ACYP2: variants seen among roughly 807,000 people sequenced by gnomAD.
The protein encoded by ACYP2 is acylphosphatase 2.
In ACYP2, 12 loss-of-function variants were observed where a neutral mutation model predicts 11.2. That is an observed-to-expected ratio of 1.08 (90% CI 0.69 to 1.74). The LOEUF is 1.74. Ranked by LOEUF, ACYP2 falls within the 40% of genes most tolerant of loss-of-function variation. The pLI is 0.00. For missense variants in ACYP2, 134 were observed against 101.9 expected, an observed-to-expected ratio of 1.31 and a Z score of -1.35; for synonymous variants, 43 against 32.2, an observed-to-expected ratio of 1.33 and a Z score of -1.13.
chr2:54,068,502 T>C (rs1345387735), intron 4 of ACYP2, among the ~76,000 whole-genome samples: 1 of 152,118 alleles, frequency 6.6e-6, no homozygotes, highest in Non-Finnish European at 1.5e-5. Context: ...TTTCGACTCA[T>C]GTGGATTAAG....
rs1558608435 is a variant in ACYP2, at chr2:54,201,604, C to CTTTCTTTCTTTCTTTCTT, written c.404+62858_404+62875dup. Among the ~76,000 whole-genome samples, 386 of 83,820 alleles carry CTTTCTTTCTTTCTTTCTT rather than the reference C, an allele frequency of 4.6e-3. 6 individuals are homozygous for CTTTCTTTCTTTCTTTCTT. Among genetic ancestry groups the CTTTCTTTCTTTCTTTCTT allele is most frequent in the East Asian group, 0.014 (22 of 1,568 alleles). The allele number at this position is 83,820 out of a possible 152,430, so 55.0% of individuals were successfully genotyped here. ...TCTTTTTCTTTCTTTCTCTTTCTTT[C>CTTTCTTTCTTTCTTTCTT]TTTCTTTCTTTCTTTCTTTGTTTCT... On this transcript the variant is annotated intron_variant, in intron 6 of 6. Transcript: ENST00000607452.
At chr2:53,974,920 T>A (rs1347462490) in intron 2 of ACYP2, among the ~76,000 whole-genome samples, 1 of 152,160 alleles carries the variant, frequency 6.6e-6, no homozygotes, top group South Asian at 2.1e-4. Flanking sequence ...AGAAGAGAGA[T>A]GTCAAGACAC....
intron 6 of ACYP2, among the ~76,000 whole-genome samples, chr2:54,295,546 A>T (rs1366189502): frequency 1.3e-5 from 2 of 152,168 alleles, no homozygotes; most frequent in African/African-American, 2.4e-5. Flanking sequence ...CACGCATGGA[A>T]GCTGTAGACC....
chr2:54,235,622 T>C lies in ACYP2; in HGVS notation c.405-69066T>C, dbSNP rs578024506. Among the ~76,000 whole-genome samples the C allele has an allele frequency of 3.3e-5, 5 of 152,322 alleles. No homozygotes were observed. In the South Asian group the frequency reaches 1.0e-3, roughly 32 times the overall value. ...GCCTTGGCCTCCCAAAGTACTGGGA[T>C]TACAGGCGTGAGCCACCGCGCCTGG... On this transcript the variant is annotated intron_variant, in intron 6 of 6. Transcript: ENST00000607452.
chr2:54,296,581 C>G (rs1689532712), intron 6 of ACYP2, among the ~76,000 whole-genome samples: 2 of 152,120 alleles, frequency 1.3e-5, no homozygotes, highest in Non-Finnish European at 1.5e-5. Context: ...AAAATTGTCT[C>G]CACCACTGTT....
At chr2:54,219,219 G>GAGGT (rs1207441943) in intron 6 of ACYP2, among the ~76,000 whole-genome samples, 1 of 152,224 alleles carries the variant, frequency 6.6e-6, no homozygotes, top group Non-Finnish European at 1.5e-5. Context: ...TTCAGTGTAA[G>GAGGT]AGGTGGGACT....
intron 6 of ACYP2, among the ~76,000 whole-genome samples, chr2:54,233,305 C>CTT (rs1213428258): frequency 0.01 from 1,324 of 129,196 alleles, 27 homozygotes; most frequent in African/African-American, 0.025. Context: ...CCCTTCCAAA[C>CTT]TTTTTTTTTT....
intron 2 of ACYP2, among the ~76,000 whole-genome samples, chr2:54,042,016 T>G (rs1675258449): frequency 6.6e-6 from 1 of 151,702 alleles, no homozygotes; most frequent in African/African-American, 2.4e-5. Context: ...TTTCTTTTTT[T>G]TTTTTTTTGA....
intron 6 of ACYP2, among the ~76,000 whole-genome samples, chr2:54,153,889 C>T (rs1010990412): frequency 2.1e-4 from 32 of 152,166 alleles, no homozygotes; most frequent in Admixed American, 7.9e-4. Context: ...CATGAGCCAC[C>T]GCACCTGGCC....
chr2:54,299,614 G>GA (rs958779813), intron 6 of ACYP2, among the ~76,000 whole-genome samples: 32 of 148,370 alleles, frequency 2.2e-4, no homozygotes, highest in Non-Finnish European at 3.3e-4. Context: ...AAAAAGAAAA[G>GA]AAAAAAAAGA....
intron 4 of ACYP2, among the ~76,000 whole-genome samples, chr2:54,132,554 A>T (rs1680968037): frequency 6.6e-6 from 1 of 152,112 alleles, no homozygotes; most frequent in Non-Finnish European, 1.5e-5. Context: ...TATCTAAGCT[A>T]CTGATGCTTT....
chr2:54,131,365 G>A (rs539990669), intron 4 of ACYP2, among the ~76,000 whole-genome samples: 21 of 152,292 alleles, frequency 1.4e-4, no homozygotes, highest in African/African-American at 4.8e-4. Flanking sequence ...ATGAATAGAT[G>A]GTGGAAGGGC....
intron 6 of ACYP2, among the ~76,000 whole-genome samples, chr2:54,214,906 T>C (rs1395423002): frequency 6.6e-6 from 1 of 152,214 alleles, no homozygotes; most frequent in African/African-American, 2.4e-5. Context: ...TCCATTTGTT[T>C]GTATCATATC....
At chr2:54,042,809 A>C (rs549241971) in intron 2 of ACYP2, among the ~76,000 whole-genome samples, 278 of 152,116 alleles carry the variant, frequency 1.8e-3, no homozygotes, top group Non-Finnish European at 2.9e-3. Flanking sequence ...TACAATGCAG[A>C]CTCTCGTTTC....
At chr2:54,163,657 C>G (rs1682826782) in intron 6 of ACYP2, among the ~76,000 whole-genome samples, 1 of 152,016 alleles carries the variant, frequency 6.6e-6, no homozygotes, top group Non-Finnish European at 1.5e-5. Flanking sequence ...GAGTTTGAGA[C>G]CAGCCTGGCC....
At chr2:54,016,933 G>A (rs2104542217) in intron 2 of ACYP2, among the ~76,000 whole-genome samples, 2 of 152,096 alleles carry the variant, frequency 1.3e-5, no homozygotes, top group East Asian at 1.9e-4. Flanking sequence ...CACCGTGTTA[G>A]CCAGGATGGT....
intron 2 of ACYP2, chr2:53,973,855 A>ATATATGTGTG (rs1351227730): frequency 8.1e-6 from 1 of 124,210 alleles, no homozygotes; most frequent in Non-Finnish European, 1.5e-5. Flanking sequence ...GGATATATAT[A>ATATATGTGTG]TGTGTGTGTG....
intron 2 of ACYP2, among the ~76,000 whole-genome samples, chr2:54,045,656 A>T (rs1675481675): frequency 6.6e-6 from 1 of 151,730 alleles, no homozygotes; most frequent in Non-Finnish European, 1.5e-5. Context: ...CTCTACTAAA[A>T]ACACAAAAAA....
chr2:54,158,499 C>G (rs149367326), intron 6 of ACYP2, among the ~76,000 whole-genome samples: 1 of 152,122 alleles, frequency 6.6e-6, no homozygotes, highest in Non-Finnish European at 1.5e-5. Context: ...AGCCACTGCA[C>G]CCAGCACGGT....
Sources: allele counts gnomAD v4.1 joint callset (sites outside exome capture counted in the v4.1 genomes callset), GRCh38; gene constraint gnomAD v4.1.1; transcripts MANE v1.5; gene names NCBI Gene and HGNC (gene_info 2026-07-23, HGNC 2026-07-21).